Variants in REEP3 observed in about 807,000 individuals in gnomAD.
REEP3 encodes the protein receptor accessory protein 3, also known as receptor expression-enhancing protein 3.
Under a neutral mutation model 41.3 loss-of-function variants are expected in REEP3, and 20 were observed. The observed-to-expected ratio is 0.48, with a 90% CI of 0.34 to 0.70. The LOEUF is 0.70. Ranked by LOEUF, REEP3 falls within the 30% of genes least tolerant of loss-of-function variation. REEP3 has a pLI of 0.01. For missense variants in REEP3, 271 were observed against 308.8 expected (o/e 0.88, Z 0.92); for synonymous variants, 104 against 101.8 (o/e 1.02, Z -0.13).
Position 63,619,806 on chromosome 10 carries a change from T to C in REEP3, c.711+6T>C, listed in dbSNP as rs1956339280. ...CCACCAAAGGCCGCAAAGAGGTTGG[T>C]TAAGTGTAGAGCTGTTTTCCTAATG... On this transcript the variant is annotated splice_donor_region_variant and intron_variant, in intron 7 of 7. Coordinates refer to ENST00000373758, the MANE Select transcript of REEP3 (RefSeq NM_001001330.3). 6.2e-7 allele frequency: 1 copy of C among 1,603,918 alleles called. No homozygotes were observed.
At chr10:63,598,799 A>G (rs959353510) in intron 4 of REEP3, among the ~76,000 whole-genome samples, 14 of 150,792 alleles carry the variant, frequency 9.3e-5, no homozygotes, top group Admixed American at 4.0e-4. Context: ...AAAAAAAAAA[A>G]GAAGCGCCTG....
chr10:63,597,707 T>C (rs1956128747), intron 3 of REEP3, among the ~76,000 whole-genome samples: 1 of 151,504 alleles, frequency 6.6e-6, no homozygotes, highest in Admixed American at 6.6e-5. Flanking sequence ...AGGTCAGGAG[T>C]TCAAGACCAG....
chr10:63,536,390 C>T (rs1484095748), intron 1 of REEP3, among the ~76,000 whole-genome samples: 1 of 152,116 alleles, frequency 6.6e-6, no homozygotes, highest in African/African-American at 2.4e-5. Flanking sequence ...ATTACATTCA[C>T]CATTCCTGAT....
intron 2 of REEP3, among the ~76,000 whole-genome samples, chr10:63,567,541 T>C (rs913389836): frequency 6.6e-6 from 1 of 152,228 alleles, no homozygotes; most frequent in Non-Finnish European, 1.5e-5. Flanking sequence ...TATGGCTGAG[T>C]AACATTCTAC....
chr10:63,588,204 C>T (rs1053489332), intron 2 of REEP3, among the ~76,000 whole-genome samples: 1 of 152,210 alleles, frequency 6.6e-6, no homozygotes, highest in African/African-American at 2.4e-5. Context: ...GACACAGCCA[C>T]TCTTTTCTTC....
chr10:63,594,723 C>A, intron 2 of REEP3, 55 bp from the exon 3 acceptor site: 1 of 1,047,286 alleles, frequency 9.5e-7, no homozygotes, highest in South Asian at 1.3e-5. Context: ...ACATATTATT[C>A]AGAGTTGCAA....
intron 1 of REEP3, among the ~76,000 whole-genome samples, chr10:63,556,658 C>T (rs1955688808): frequency 9.6e-6 from 1 of 103,896 alleles, no homozygotes; most frequent in Non-Finnish European, 1.8e-5. Flanking sequence ...TTTTTTGAGA[C>T]GGAGTCTCGC....
At chr10:63,549,446 T>TCATC (rs747832992) in intron 1 of REEP3, among the ~76,000 whole-genome samples, 1 of 152,158 alleles carries the variant, frequency 6.6e-6, no homozygotes, top group Non-Finnish European at 1.5e-5. Context: ...CCCTCGCCTG[T>TCATC]CATCCTAGTT....
chr10:63,580,363 C>G (rs144184523), intron 2 of REEP3, among the ~76,000 whole-genome samples: 2 of 152,222 alleles, frequency 1.3e-5, no homozygotes, highest in African/African-American at 4.8e-5. Flanking sequence ...TCTCAAACTC[C>G]TAGATTCAAG....
intron 1 of REEP3, 132 bp from the exon 2 acceptor site, chr10:63,566,206 A>G: frequency 1.5e-6 from 1 of 649,050 alleles, no homozygotes; most frequent in Non-Finnish European, 2.7e-6. Context: ...TATTAAAAAT[A>G]TATTTTTACT....
intron 2 of REEP3, among the ~76,000 whole-genome samples, chr10:63,584,496 T>C (rs902821544): frequency 1.3e-5 from 2 of 149,158 alleles, no homozygotes; most frequent in Non-Finnish European, 3.0e-5. Context: ...TAACTTCAAA[T>C]AGCTTTTTTT....
intron 2 of REEP3, among the ~76,000 whole-genome samples, chr10:63,590,999 A>G (rs541896957): frequency 1.3e-5 from 2 of 152,328 alleles, no homozygotes; most frequent in East Asian, 3.9e-4. Context: ...ATATGTTTAT[A>G]AGATAGTGTA....
intron 1 of REEP3, among the ~76,000 whole-genome samples, chr10:63,531,537 T>A (rs1399709282): frequency 6.6e-6 from 1 of 152,236 alleles, no homozygotes; most frequent in Non-Finnish European, 1.5e-5. Context: ...CTGTGCTATC[T>A]CATATGGTTA....
chr10:63,572,289 A>G (rs764855332), intron 2 of REEP3, among the ~76,000 whole-genome samples: 17 of 147,566 alleles, frequency 1.2e-4, no homozygotes, highest in African/African-American at 2.0e-4. Flanking sequence ...AAACTTAGCC[A>G]TCTAATTTAA....
At chr10:63,584,396 A>AACATAT (rs1955983999) in intron 2 of REEP3, among the ~76,000 whole-genome samples, 1 of 150,370 alleles carries the variant, frequency 6.7e-6, no homozygotes, top group South Asian at 2.1e-4. Flanking sequence ...ATCCTAAGCT[A>AACATAT]ACATATTCAC....
chr10:63,606,171 T>C, intron 5 of REEP3: 1 of 798,706 alleles, frequency 1.3e-6, no homozygotes, highest in East Asian at 1.3e-4. Flanking sequence ...AGTGCTGAAA[T>C]ATGGAATTAT....
chr10:63,616,236 T>G (rs1407505472), intron 6 of REEP3, among the ~76,000 whole-genome samples: 1 of 152,194 alleles, frequency 6.6e-6, no homozygotes, highest in Non-Finnish European at 1.5e-5. Flanking sequence ...CTACAAGGCC[T>G]TCTCTCATAA....
At chr10:63,534,892 G>A (rs1374198771) in intron 1 of REEP3, among the ~76,000 whole-genome samples, 3 of 152,142 alleles carry the variant, frequency 2.0e-5, no homozygotes, top group Non-Finnish European at 2.9e-5. Context: ...ATGAGGGCAG[G>A]AACTGTATGA....
chr10:63,543,623 C>G (rs1472247735), intron 1 of REEP3, among the ~76,000 whole-genome samples: 1 of 152,128 alleles, frequency 6.6e-6, no homozygotes, highest in Non-Finnish European at 1.5e-5. Context: ...ACAGAAGATT[C>G]AGTTCTGCCT....
Sources: allele counts gnomAD v4.1 joint callset (sites outside exome capture counted in the v4.1 genomes callset), GRCh38; gene constraint gnomAD v4.1.1; transcripts MANE v1.5; gene names NCBI Gene and HGNC (gene_info 2026-07-23, HGNC 2026-07-21).